ULK4: variants seen among roughly 807,000 people sequenced by gnomAD.
ULK4 encodes the protein unc-51 like kinase 4, also known as inactive serine/threonine-protein kinase ULK4.
A neutral mutation model predicts 160.6 loss-of-function variants in ULK4; 133 were observed. The ratio of observed to expected loss-of-function variants is 0.83; its 90% CI spans 0.72 to 0.96. The LOEUF (loss-of-function observed/expected upper bound fraction) is 0.96. Among genes scored for constraint, ULK4 ranks in the 40% least tolerant of loss-of-function variants. The pLI is 0.00. For missense variants in ULK4, 1,580 were observed against 1,499.5 expected, an observed-to-expected ratio of 1.05 and a Z score of -0.89; for synonymous variants, 534 against 539.8, an observed-to-expected ratio of 0.99 and a Z score of 0.15.
chr3:41,905,182 T>C (rs562695110), intron 12 of ULK4, among the ~76,000 whole-genome samples: 2 of 152,294 alleles, frequency 1.3e-5, no homozygotes, highest in South Asian at 2.1e-4. Context: ...CCTTCACATA[T>C]ACAGTCAATC....
At chr3:41,335,837 A>G (rs1291188494) in intron 35 of ULK4, among the ~76,000 whole-genome samples, 2 of 152,144 alleles carry the variant, frequency 1.3e-5, no homozygotes, top group Non-Finnish European at 2.9e-5. Flanking sequence ...CCTCTAAGGG[A>G]ATATGTAAAG....
intron 18 of ULK4, among the ~76,000 whole-genome samples, chr3:41,827,546 T>C (rs1176603820): frequency 1.3e-5 from 2 of 151,990 alleles, no homozygotes; most frequent in East Asian, 1.9e-4. Flanking sequence ...CTAGAAAATC[T>C]AGAATAAATG....
chr3:41,659,948 A>C (rs985844058), intron 30 of ULK4, among the ~76,000 whole-genome samples: 2 of 152,198 alleles, frequency 1.3e-5, no homozygotes, highest in Non-Finnish European at 2.9e-5. Flanking sequence ...TAGTGAAAAA[A>C]AAATCAAAGG....
At chr3:41,557,931 T>C (rs1263247107) in intron 32 of ULK4, among the ~76,000 whole-genome samples, 4 of 152,096 alleles carry the variant, frequency 2.6e-5, no homozygotes, top group Non-Finnish European at 5.9e-5. Context: ...AAAACATCTC[T>C]GAAGAACATA....
chr3:41,944,449 A>G (rs1027951203), intron 2 of ULK4, among the ~76,000 whole-genome samples: 1 of 152,034 alleles, frequency 6.6e-6, no homozygotes, highest in African/African-American at 2.4e-5. Context: ...AAAAAAACGT[A>G]ATTTCAGATG....
At chr3:41,252,752 T>G (rs2078766455) in intron 35 of ULK4, among the ~76,000 whole-genome samples, 1 of 152,070 alleles carries the variant, frequency 6.6e-6, no homozygotes, top group Admixed American at 6.5e-5. Flanking sequence ...GAAGAAATCA[T>G]GACTAAAACT....
intron 35 of ULK4, among the ~76,000 whole-genome samples, chr3:41,374,672 G>A (rs1392289980): frequency 6.6e-6 from 1 of 152,158 alleles, no homozygotes; most frequent in Non-Finnish European, 1.5e-5. Context: ...CAAACCCACA[G>A]CCAATATTAC....
intron 1 of ULK4, among the ~76,000 whole-genome samples, chr3:41,959,908 C>A (rs562070801): frequency 3.9e-5 from 6 of 152,082 alleles, no homozygotes; most frequent in Non-Finnish European, 7.4e-5. Context: ...TAATCAGAAA[C>A]CTTAAGTGTT....
intron 30 of ULK4, among the ~76,000 whole-genome samples, chr3:41,629,731 T>C (rs1486803243): frequency 6.6e-6 from 1 of 152,150 alleles, no homozygotes; most frequent in African/African-American, 2.4e-5. Flanking sequence ...GGCACATGCC[T>C]ATAATCCCAG....
At position 41,412,553 on chromosome 3, in the gene ULK4, A is replaced by ATTT. The variant is rs57224854; in HGVS notation, c.3493-14292_3493-14290dup. Among the ~76,000 whole-genome samples, 187 of 100,412 alleles carry ATTT rather than the reference A, an allele frequency of 1.9e-3. 5 individuals are homozygous for ATTT. The highest frequency in any genetic ancestry group is 9.3e-3 in the East Asian group (37 of 3,980). 65.9% of individuals were successfully genotyped at this position (100,412 alleles called of 152,430 possible). On this transcript the variant is annotated intron_variant, in intron 34 of 36. Coordinates refer to ENST00000301831, the MANE Select transcript of ULK4 (RefSeq NM_017886.4). Reference sequence around the variant, plus strand: ...TAAAGGTCAATGGCAATGCAGTTGAATTTTTTTTTTTTTTTTTTTTTTTTT... The same window carrying ATTT: ...TAAAGGTCAATGGCAATGCAGTTGAATTTTTTTTTTTTTTTTTTTTTTTTTTTT...
intron 22 of ULK4, among the ~76,000 whole-genome samples, chr3:41,742,070 C>G (rs1244150261): frequency 6.6e-6 from 1 of 151,942 alleles, no homozygotes; most frequent in Admixed American, 6.5e-5. Context: ...GCTCTGACAA[C>G]ACACCAACAG....
intron 35 of ULK4, among the ~76,000 whole-genome samples, chr3:41,318,018 G>A (rs80128725): frequency 0.013 from 1,951 of 152,052 alleles, 46 homozygotes; most frequent in African/African-American, 0.044. Context: ...TAAACTAATC[G>A]CTATATCTAC....
At chr3:41,546,160 T>G (rs73830232) in intron 32 of ULK4, among the ~76,000 whole-genome samples, 4,937 of 152,222 alleles carry the variant, frequency 0.032, 262 homozygotes, top group African/African-American at 0.11. Flanking sequence ...TAAGTTTTGG[T>G]TTATGCTAGT....
chr3:41,936,693 A>G (rs918593567), intron 3 of ULK4, among the ~76,000 whole-genome samples: 1 of 152,178 alleles, frequency 6.6e-6, no homozygotes, highest in Non-Finnish European at 1.5e-5. Context: ...GTCCTCACTC[A>G]TTTGTGGGAG....
At chr3:41,362,868 G>A (rs549486228) in intron 35 of ULK4, among the ~76,000 whole-genome samples, 2 of 152,320 alleles carry the variant, frequency 1.3e-5, no homozygotes, top group South Asian at 2.1e-4. Flanking sequence ...CCAGCTTCAC[G>A]ACAGCTCAGA....
At chr3:41,482,916 G>T (rs1211968865) in intron 32 of ULK4, among the ~76,000 whole-genome samples, 2 of 152,000 alleles carry the variant, frequency 1.3e-5, no homozygotes, top group African/African-American at 4.8e-5. Flanking sequence ...TATTTATAAG[G>T]TACATGAGAT....
At chr3:41,411,034 G>T (rs2082399498) in intron 34 of ULK4, among the ~76,000 whole-genome samples, 1 of 152,120 alleles carries the variant, frequency 6.6e-6, no homozygotes, top group Non-Finnish European at 1.5e-5. Flanking sequence ...GAGGACACAA[G>T]TTAACCCATA....
At chr3:41,854,021 G>A (rs141322743) in intron 17 of ULK4, 21 of 152,042 alleles carry the variant, frequency 1.4e-4, no homozygotes, top group African/African-American at 3.4e-4. Context: ...TCCCTCCCTC[G>A]AAGTGCCTGC....
intron 31 of ULK4, among the ~76,000 whole-genome samples, chr3:41,589,778 T>C (rs1553616486): frequency 6.6e-6 from 1 of 152,074 alleles, no homozygotes; most frequent in African/African-American, 2.4e-5. Context: ...ATGCAAAATA[T>C]ACAATGTCAG....
Sources: allele counts gnomAD v4.1 joint callset (sites outside exome capture counted in the v4.1 genomes callset), GRCh38; gene constraint gnomAD v4.1.1; transcripts MANE v1.5; gene names NCBI Gene and HGNC (gene_info 2026-07-23, HGNC 2026-07-21).